The following PKHD1L1 variants were observed in gnomAD, a reference collection of about 807,000 sequenced individuals.
PKHD1L1 encodes the protein PKHD1 like 1.
Under a neutral mutation model 462.9 loss-of-function variants are expected in PKHD1L1, and 434 were observed. That is an observed-to-expected ratio of 0.94 (90% CI 0.87 to 1.02). PKHD1L1 has a LOEUF of 1.02. Among genes scored for constraint, PKHD1L1 ranks in the 50% least tolerant of loss-of-function variants. The pLI, the probability that PKHD1L1 is intolerant of heterozygous loss-of-function variation, is 0.00. For synonymous variants in PKHD1L1, 1,781 were observed against 1,750.0 expected (o/e 1.02, Z -0.44); for missense variants, 5,202 against 5,096.1 (o/e 1.02, Z -0.63).
chr8:109,510,921 T>C lies in PKHD1L1; in HGVS notation c.11540T>C (p.Val3847Ala), dbSNP rs369357392. 8.5e-5 allele frequency: 137 copies of C among 1,612,730 alleles called. No individual in the cohort carries two copies. The Admixed American group carries it at 2.3e-3, about 27-fold the overall frequency. Residue 3847 changes from valine (V) to alanine (A), a missense_variant, in exon 71 of 78, where the codon GTT (valine) becomes GCT (alanine). By Grantham distance (64) the Val-to-Ala change is moderately conservative (BLOSUM62 0). Around this residue, in one of 3 missense-constraint regions of PKHD1L1, gnomAD observed 698 missense variants for 736.3 expected, o/e 0.95. Coordinates refer to ENST00000378402, the MANE Select transcript of PKHD1L1 (RefSeq NM_177531.6). ...PQNLRLMLLNVDHNKAVLVGI... is the reference protein window; with the variant it reads ...PQNLRLMLLNADHNKAVLVGI... ...AATCTTCGACTGATGTTGCTTAATG[T>C]TGATCATAACAAGGTAGGGCAAGAT...
rs192055063 is a variant in PKHD1L1, at chr8:109,510,553, A to T, written c.11396-224A>T. Among the ~76,000 whole-genome samples, 3 of 152,260 alleles carry T rather than the reference A, an allele frequency of 2.0e-5. No homozygotes were observed. In the East Asian group the frequency reaches 5.8e-4, roughly 29 times the overall value. On this transcript the variant is annotated intron_variant, in intron 70 of 77. Coordinates refer to ENST00000378402, the MANE Select transcript of PKHD1L1 (RefSeq NM_177531.6). ...CCCTTCTTGCCCTGGGCAGTGTAAA[A>T]GTAGGGTGATAGGAAGAAGTTTCTT...
Position 109,430,017 on chromosome 8 carries a change from T to G in PKHD1L1, c.3209T>G (p.Leu1070Trp). 2 of 1,609,060 alleles carry G rather than the reference T, an allele frequency of 1.2e-6. No individual in the cohort carries two copies. Among genetic ancestry groups the G allele is most frequent in the South Asian group, 2.2e-5 (2 of 90,000 alleles). ...GATTCCAACATTACTCCCCTAGTCT[T>G]GGCGATAAGCCCTTCTCAAGGTAAC... ...TWDSNITPLV[L>W]AISPSQGSYE... Residue 1070 changes from leucine (L) to tryptophan (W), a missense_variant, in exon 27 of 78, where the codon TTG becomes TGG. Leu to Trp is a moderately conservative substitution (Grantham distance 61, BLOSUM62 -2). Coordinates refer to ENST00000378402, the MANE Select transcript of PKHD1L1 (RefSeq NM_177531.6).
At position 109,441,213 on chromosome 8, in the gene PKHD1L1, C is replaced by T. The variant is rs2168677; in HGVS notation, c.4100-62C>T. 10,043 of 1,178,930 alleles carry T rather than the reference C, an allele frequency of 8.5e-3. 79 individuals carry two copies. The highest frequency in any genetic ancestry group is 0.04 in the Middle Eastern group (196 of 4,926). 73.0% of individuals were successfully genotyped at this position (1,178,930 alleles called of 1,614,324 possible). On this transcript the variant is annotated intron_variant, in intron 33 of 77. Coordinates refer to ENST00000378402, the MANE Select transcript of PKHD1L1 (RefSeq NM_177531.6). Reference sequence around the variant, plus strand: ...TGAATTATGCTTCATCTCTATAATTCACAAAAAAAAATTTGACAAAATGTT... The same window carrying T: ...TGAATTATGCTTCATCTCTATAATTTACAAAAAAAAATTTGACAAAATGTT...
chr8:109,478,462 G>A (rs1818109780), intron 53 of PKHD1L1, among the ~76,000 whole-genome samples: 1 of 152,246 alleles, frequency 6.6e-6, no homozygotes, highest in Admixed American at 6.6e-5. Flanking sequence ...ATATGGGGCT[G>A]GGACAGAGAG....
At chr8:109,497,662 G>A (rs1462702182) in intron 65 of PKHD1L1, among the ~76,000 whole-genome samples, 5 of 151,980 alleles carry the variant, frequency 3.3e-5, no homozygotes, top group African/African-American at 4.8e-5. Flanking sequence ...TCCTGACCTC[G>A]TGATCCGCCC....
intron 9 of PKHD1L1, among the ~76,000 whole-genome samples, chr8:109,391,901 T>C (rs1812730792): frequency 6.6e-6 from 1 of 152,212 alleles, no homozygotes; most frequent in Admixed American, 6.5e-5. Context: ...GGTGTCATTA[T>C]AACAAATTGA....
At chr8:109,498,989 C>T (rs1354870398) in intron 67 of PKHD1L1, 2 of 499,320 alleles carry the variant, frequency 4.0e-6, no homozygotes, top group South Asian at 3.4e-5. Flanking sequence ...GTTAAATTTT[C>T]CTTCTAAAAC....
At position 109,452,721 on chromosome 8, in the gene PKHD1L1, A is replaced by G. The variant is rs1481350414; in HGVS notation, c.6511A>G (p.Asn2171Asp). ...IRGVGMAKLD[N>D]ADFLYVDAWS... is the part of the protein sequence containing the mutation. The stretch of plus-strand genomic sequence containing the variant: ...GGTCTCTTATGTTCTATTACAGGAT[A>G]ATGCTGACTTTCTTTATGTTGATGC... The change falls in exon 43 of 78, where the codon AAT becomes GAT. Residue 2171 changes from asparagine to aspartate, a missense_variant. Asn to Asp is a conservative substitution (Grantham distance 23, BLOSUM62 1). Coordinates refer to ENST00000378402, the MANE Select transcript of PKHD1L1 (RefSeq NM_177531.6). The G allele has an allele frequency of 1.3e-6, 2 of 1,524,268 alleles. No individual in the cohort carries two copies. Among genetic ancestry groups the G allele is most frequent in the Non-Finnish European group, 1.8e-6 (2 of 1,139,462 alleles). The allele number at this position is 1,524,268 out of a possible 1,614,324, so 94.4% of individuals were successfully genotyped here.
At chr8:109,495,721 C>G (rs1224210100) in intron 63 of PKHD1L1, among the ~76,000 whole-genome samples, 1 of 151,696 alleles carries the variant, frequency 6.6e-6, no homozygotes, top group African/African-American at 2.4e-5. Context: ...AATGTAAAAC[C>G]CAATGGACTA....
intron 2 of PKHD1L1, among the ~76,000 whole-genome samples, chr8:109,377,351 CT>C (rs1261109111): frequency 2.0e-5 from 3 of 151,826 alleles, no homozygotes; most frequent in East Asian, 3.9e-4. Flanking sequence ...CTGGGTTTAC[CT>C]TTTTTTGTTT....
intron 45 of PKHD1L1, among the ~76,000 whole-genome samples, chr8:109,455,617 C>T (rs1487567615): frequency 6.6e-6 from 1 of 152,116 alleles, no homozygotes; most frequent in Non-Finnish European, 1.5e-5. Flanking sequence ...TAAAATATAA[C>T]AAGGGATTTA....
intron 33 of PKHD1L1, among the ~76,000 whole-genome samples, 175 bp downstream of exon 33, chr8:109,441,027 A>G (rs1815757327): frequency 6.6e-6 from 1 of 152,146 alleles, no homozygotes; most frequent in African/African-American, 2.4e-5. Flanking sequence ...ACTACTTTTT[A>G]TTTCAATAAA....
chr8:109,522,712 A>G (rs1021674268), intron 74 of PKHD1L1, 32 bp from the exon 75 acceptor site: 3 of 1,571,850 alleles, frequency 1.9e-6, no homozygotes, highest in Non-Finnish European at 2.6e-6. Context: ...GTTTATCATG[A>G]AGAAACCAGT....
chr8:109,442,161 A>T lies in PKHD1L1; in HGVS notation c.4359A>T (p.Lys1453Asn). ...SSPGSVIYDG[K>N]GFTSGRQKST... The stretch of plus-strand genomic sequence containing the variant: ...CTGGAAGTGTAATTTATGATGGCAA[A>T]GGATTCACAAGTGGAAGACAAAAAT... The change falls in exon 35 of 78, where the codon AAA (lysine) becomes AAT (asparagine). Residue 1453 changes from lysine to asparagine, a missense_variant. This residue lies in a region of PKHD1L1 where 4,497 missense variants were observed against 4,336.8 expected (regional missense o/e 1.04). Coordinates refer to ENST00000378402, the MANE Select transcript of PKHD1L1 (RefSeq NM_177531.6). 6.2e-7 allele frequency: 1 copy of T among 1,612,862 alleles called. No homozygotes were observed. The highest frequency in any genetic ancestry group is 8.5e-7 in the Non-Finnish European group (1 of 1,179,374).
intron 2 of PKHD1L1, among the ~76,000 whole-genome samples, chr8:109,365,120 G>A (rs368756166): frequency 3.9e-5 from 6 of 152,166 alleles, no homozygotes; most frequent in South Asian, 2.1e-4. Context: ...CATGAGTACC[G>A]TACATGGTTC....
At chr8:109,507,103 C>A (rs1819729328) in intron 68 of PKHD1L1, among the ~76,000 whole-genome samples, 1 of 152,004 alleles carries the variant, frequency 6.6e-6, no homozygotes, top group African/African-American at 2.4e-5. Context: ...AAACAAAGGT[C>A]TATAAGAATA....
intron 6 of PKHD1L1, among the ~76,000 whole-genome samples, chr8:109,386,970 TC>T (rs1812475551): frequency 1.3e-5 from 2 of 152,164 alleles, no homozygotes; most frequent in South Asian, 4.1e-4. Context: ...ACTTTGGAAA[TC>T]CTGAGCTATT....
intron 51 of PKHD1L1, among the ~76,000 whole-genome samples, chr8:109,476,063 A>G (rs1817972891): frequency 6.6e-6 from 1 of 152,074 alleles, no homozygotes; most frequent in Non-Finnish European, 1.5e-5. Context: ...CACTTATACT[A>G]CACATTTGTG....
chr8:109,413,936 G>A (rs929340034), intron 21 of PKHD1L1, among the ~76,000 whole-genome samples: 1 of 151,948 alleles, frequency 6.6e-6, no homozygotes, highest in African/African-American at 2.4e-5. Context: ...GAAAAAAAAG[G>A]AAGTAGAGAG....
Sources: gnomAD v4.1 joint callset for allele counts (sites outside exome capture counted in the v4.1 genomes callset) on GRCh38, gnomAD v4.1.1 for gene constraint, gnomAD v4.1.1 regional missense constraint, MANE v1.5 for transcripts, NCBI Gene and HGNC (gene_info 2026-07-23, HGNC 2026-07-21) for gene names.